DAD1: variants seen among roughly 807,000 people sequenced by gnomAD.
DAD1 encodes the protein dolichyl-diphosphooligosaccharide--protein glycosyltransferase subunit DAD1.
A neutral mutation model predicts 9.0 loss-of-function variants in DAD1; 4 were observed. That is an observed-to-expected ratio of 0.44 (90% CI 0.22 to 1.01). The LOEUF (loss-of-function observed/expected upper bound fraction) is 1.01. Ranked by LOEUF, DAD1 falls within the 50% of genes least tolerant of loss-of-function variation. The pLI is 0.24. For synonymous variants in DAD1, 60 were observed against 62.5 expected, an observed-to-expected ratio of 0.96 and a Z score of 0.19; for missense variants, 119 against 137.3, an observed-to-expected ratio of 0.87 and a Z score of 0.67.
At chr14:22,575,272 A>G (rs749308367) in intron 1 of DAD1, 39 bp from the exon 2 acceptor site, 1 of 1,604,720 alleles carries the variant, frequency 6.2e-7, no homozygotes. Flanking sequence ...GATTATATAG[A>G]AGTATAAAAT....
chr14:22,570,454 A>G (rs376841790), intron 2 of DAD1, among the ~76,000 whole-genome samples: 6 of 152,156 alleles, frequency 3.9e-5, no homozygotes, highest in South Asian at 2.1e-4. Context: ...CTGCCCCCCA[A>G]TGACTGGAAA....
chr14:22,575,025 A>G lies in DAD1; in HGVS notation c.*44+34T>C. The stretch of plus-strand genomic sequence containing the variant: ...CATCCAATTTCTCTTCCTAAAATCA[A>G]CATTATAGGACAAGGACTATGATCA... On this transcript the variant is annotated intron_variant, in intron 2 of 2. Transcript: ENST00000250498. 3 of 1,532,626 alleles carry G rather than the reference A, an allele frequency of 2.0e-6. No individual in the cohort carries two copies. The South Asian group carries it at 3.7e-5, about 19-fold the overall frequency. 94.9% of individuals were successfully genotyped at this position (1,532,626 alleles called of 1,614,324 possible). A position where few individuals can be genotyped will look rare whatever the true frequency, so the allele number is the denominator to read the frequency against.
chr14:22,585,265 T>C (rs2037144298), intron 1 of DAD1, among the ~76,000 whole-genome samples: 1 of 152,056 alleles, frequency 6.6e-6, no homozygotes, highest in South Asian at 2.1e-4. Flanking sequence ...ACAGAACAGA[T>C]GAAAGTTGGG....
intron 2 of DAD1, among the ~76,000 whole-genome samples, chr14:22,569,040 C>A (rs1408499407): frequency 2.0e-5 from 3 of 152,218 alleles, no homozygotes; most frequent in African/African-American, 7.2e-5. Context: ...CACCCCACAG[C>A]CTCTCCTATG....
intron 1 of DAD1, among the ~76,000 whole-genome samples, chr14:22,581,466 G>T (rs1055938029): frequency 6.6e-6 from 1 of 152,118 alleles, no homozygotes; most frequent in African/African-American, 2.4e-5. Flanking sequence ...CAGACGCCAG[G>T]CATGGTGGCT....
chr14:22,580,229 G>T (rs543561129), intron 1 of DAD1, among the ~76,000 whole-genome samples: 9 of 151,488 alleles, frequency 5.9e-5, no homozygotes, highest in Non-Finnish European at 1.3e-4. Context: ...ACCAGCCTGG[G>T]AAAGATAGGG....
chr14:22,575,628 A>T (rs1452063889), intron 1 of DAD1, among the ~76,000 whole-genome samples: 1 of 152,154 alleles, frequency 6.6e-6, no homozygotes, highest in African/African-American at 2.4e-5. Context: ...GCTCACTGCA[A>T]TCTCCACCTG....
At chr14:22,577,985 GGCTCACGCCTGTAATCCCA>G (rs1254855666) in intron 1 of DAD1, among the ~76,000 whole-genome samples, 1 of 152,264 alleles carries the variant, frequency 6.6e-6, no homozygotes, top group Non-Finnish European at 1.5e-5. Context: ...CGGGCACGGT[GGCTCACGCCTGTAATCCCA>G]GCACTTTGGG....
At chr14:22,585,718 T>G (rs749441894) in intron 1 of DAD1, among the ~76,000 whole-genome samples, 1 of 152,188 alleles carries the variant, frequency 6.6e-6, no homozygotes, top group Non-Finnish European at 1.5e-5. Context: ...AACAGGTTTT[T>G]TAAAGGTTTG....
At chr14:22,586,263 T>C (rs2139248811) in intron 1 of DAD1, among the ~76,000 whole-genome samples, 1 of 150,788 alleles carries the variant, frequency 6.6e-6, no homozygotes, top group Non-Finnish European at 1.5e-5. Context: ...TCCAAATTCC[T>C]GGCCGGGCAC....
At chr14:22,587,741 CTTTTTTT>C (rs368168879) in intron 1 of DAD1, among the ~76,000 whole-genome samples, 4 of 139,124 alleles carry the variant, frequency 2.9e-5, no homozygotes, top group Non-Finnish European at 6.3e-5. Flanking sequence ...TGTCACCAGA[CTTTTTTT>C]TTTTTTTTTT....
chr14:22,574,675 A>G (rs1566371589), intron 2 of DAD1, among the ~76,000 whole-genome samples: 1 of 152,208 alleles, frequency 6.6e-6, no homozygotes, highest in African/African-American at 2.4e-5. Context: ...TATGAAAACA[A>G]TGGTCCAGCA....
chr14:22,588,025 T>G (rs2037166174), intron 1 of DAD1, among the ~76,000 whole-genome samples: 1 of 152,242 alleles, frequency 6.6e-6, no homozygotes, highest in South Asian at 2.1e-4. Context: ...CATGAGCCAC[T>G]GTGCCAGGCC....
intron 1 of DAD1, among the ~76,000 whole-genome samples, chr14:22,586,520 G>C (rs1044223570): frequency 7.9e-5 from 12 of 152,096 alleles, no homozygotes. Flanking sequence ...TCCAGCCTGA[G>C]AAAAAAGAGC....
chr14:22,569,432 C>CA (rs34250775), intron 2 of DAD1, among the ~76,000 whole-genome samples: 11,335 of 126,442 alleles, frequency 0.09, 520 homozygotes, highest in South Asian at 0.19. Flanking sequence ...GACTCCGTCT[C>CA]AAAAAAAAAA....
chr14:22,586,671 A>AC (rs779435537), intron 1 of DAD1, among the ~76,000 whole-genome samples: 28 of 152,162 alleles, frequency 1.8e-4, no homozygotes, highest in Non-Finnish European at 3.5e-4. Context: ...TTGCAACAGG[A>AC]AATTCCACAG....
At chr14:22,566,531 AC>A (rs2037003266) in intron 2 of DAD1, among the ~76,000 whole-genome samples, 1 of 152,084 alleles carries the variant, frequency 6.6e-6, no homozygotes, top group Admixed American at 6.5e-5. Flanking sequence ...ATGGGGTTTC[AC>A]CATGTTGGTC....
intron 1 of DAD1, among the ~76,000 whole-genome samples, chr14:22,585,515 T>C (rs2037146063): frequency 6.6e-6 from 1 of 152,194 alleles, no homozygotes; most frequent in African/African-American, 2.4e-5. Context: ...CTGTCTCAAA[T>C]AGAAAAATAT....
intron 2 of DAD1, among the ~76,000 whole-genome samples, chr14:22,571,511 G>A (rs1369379336): frequency 6.6e-6 from 1 of 151,706 alleles, no homozygotes; most frequent in Admixed American, 6.6e-5. Flanking sequence ...GAAGCTCACT[G>A]GGAGAATTTT....
Sources: allele counts gnomAD v4.1 joint callset (sites outside exome capture counted in the v4.1 genomes callset), GRCh38; gene constraint gnomAD v4.1.1; transcripts MANE v1.5; gene names NCBI Gene and HGNC (gene_info 2026-07-23, HGNC 2026-07-21).